The following RHOBTB3 variants were observed in gnomAD, a reference collection of about 807,000 sequenced individuals.
RHOBTB3 encodes the protein rho-related BTB domain-containing protein 3.
In RHOBTB3, 47 loss-of-function variants were observed where a neutral mutation model predicts 67.2. The observed-to-expected ratio is 0.70, with a 90% CI of 0.55 to 0.89. The LOEUF (loss-of-function observed/expected upper bound fraction) is 0.89, where lower values mean the gene tolerates loss of function less well. Ranked by LOEUF, RHOBTB3 falls within the 40% of genes least tolerant of loss-of-function variation. The pLI, the probability that RHOBTB3 is intolerant of heterozygous loss-of-function variation, is 0.00. For synonymous variants in RHOBTB3, 273 were observed against 274.2 expected (o/e 1.00, Z 0.04); for missense variants, 631 against 750.0 (o/e 0.84, Z 1.85).
At chr5:95,768,251 G>A in intron 8 of RHOBTB3, 85 bp downstream of exon 8, 1 of 1,337,464 alleles carries the variant, frequency 7.5e-7, no homozygotes, top group Non-Finnish European at 1.0e-6. Context: ...TTGAATGTTT[G>A]GTGTGAAGGA....
At chr5:95,765,810 C>T (rs1437863582) in intron 7 of RHOBTB3, among the ~76,000 whole-genome samples, 5 of 152,118 alleles carry the variant, frequency 3.3e-5, no homozygotes, top group East Asian at 1.9e-4. Context: ...TACAGGCGCC[C>T]GCCACCACAC....
chr5:95,743,270 T>A (rs1411846225), intron 3 of RHOBTB3, among the ~76,000 whole-genome samples: 42 of 152,164 alleles, frequency 2.8e-4, no homozygotes, highest in Admixed American at 2.7e-3. Context: ...TGCAGTTGAC[T>A]TTCCTTGTTG....
intron 4 of RHOBTB3, among the ~76,000 whole-genome samples, chr5:95,751,982 T>A (rs1428468458): frequency 6.6e-6 from 1 of 152,268 alleles, no homozygotes; most frequent in Non-Finnish European, 1.5e-5. Flanking sequence ...TTGTGAATAG[T>A]GCATGTTTCT....
intron 1 of RHOBTB3, among the ~76,000 whole-genome samples, chr5:95,720,038 G>C (rs1754821589): frequency 1.3e-5 from 2 of 152,154 alleles, no homozygotes; most frequent in Admixed American, 1.3e-4. Flanking sequence ...CCTATTATAA[G>C]TTTCTACCCC....
chr5:95,729,745 A>G (rs1297635833), upstream of RHOBTB3, among the ~76,000 whole-genome samples: 1 of 152,208 alleles, frequency 6.6e-6, no homozygotes, highest in East Asian at 1.9e-4. Context: ...ACTACTTTAG[A>G]TACTTCATAT....
chr5:95,760,253 AG>A (rs1187788440), intron 6 of RHOBTB3, among the ~76,000 whole-genome samples: 1 of 152,220 alleles, frequency 6.6e-6, no homozygotes, highest in Admixed American at 6.5e-5. Context: ...CTAAGGAACG[AG>A]GAGTAATGTG....
At position 95,735,308 on chromosome 5, in the gene RHOBTB3, A is replaced by C. The variant is rs1261983418; in HGVS notation, c.229-1581A>C. Among the ~76,000 whole-genome samples the C allele has an allele frequency of 6.3e-4, 94 of 148,822 alleles. 2 individuals carry two copies. Among genetic ancestry groups the C allele is most frequent in the Non-Finnish European group, 1.5e-4 (10 of 67,518 alleles). ...TTACCTCCCTTCAAAAATACTGTACACATCCCAGTTTTGATAGGGTATTCA... is the reference window on the plus strand; with the variant it reads ...TTACCTCCCTTCAAAAATACTGTACCCATCCCAGTTTTGATAGGGTATTCA... On this transcript the variant is annotated intron_variant, in intron 2 of 11. Coordinates refer to ENST00000379982, the MANE Select transcript of RHOBTB3 (RefSeq NM_014899.4).
At position 95,775,800 on chromosome 5, in the gene RHOBTB3, CA is replaced by C. The variant is rs956023067; in HGVS notation, c.1283-4442del. 1.0e-3 allele frequency among the ~76,000 whole-genome samples: 149 copies of C among 145,964 alleles called. 3 individuals are homozygous for C. Among genetic ancestry groups the C allele is most frequent in the Middle Eastern group, 7.0e-3 (2 of 284 alleles). ...GTAATTTAAATGTTTTACACCAAAC[CA>C]AAAAAAAAATTGGGAAGGAAAATAT... On this transcript the variant is annotated intron_variant, in intron 8 of 11. Coordinates refer to ENST00000379982, the MANE Select transcript of RHOBTB3 (RefSeq NM_014899.4).
upstream of RHOBTB3, chr5:95,731,333 G>C (rs1755235698): frequency 9.1e-7 from 1 of 1,097,088 alleles, no homozygotes; most frequent in Non-Finnish European, 1.1e-6. Context: ...CAGCGGCAGC[G>C]GCAGCAGGAG....
intron 3 of RHOBTB3, among the ~76,000 whole-genome samples, chr5:95,745,038 A>C (rs1394285936): frequency 6.6e-6 from 1 of 151,250 alleles, no homozygotes; most frequent in Non-Finnish European, 1.5e-5. Context: ...ATGCCACTGC[A>C]CTCCAGCCTG....
At chr5:95,785,204 T>C (rs1181752874) in intron 10 of RHOBTB3, among the ~76,000 whole-genome samples, 3 of 152,236 alleles carry the variant, frequency 2.0e-5, no homozygotes, top group Non-Finnish European at 4.4e-5. Context: ...ATCTAGGTCT[T>C]CTCCTACTAT....
intron 8 of RHOBTB3, among the ~76,000 whole-genome samples, chr5:95,777,216 G>C (rs1745913762): frequency 6.6e-6 from 1 of 152,160 alleles, no homozygotes; most frequent in Non-Finnish European, 1.5e-5. Context: ...TACTTAGCTA[G>C]TACATATTTT....
At chr5:95,747,722 A>G (rs989516385) in intron 3 of RHOBTB3, among the ~76,000 whole-genome samples, 1 of 152,188 alleles carries the variant, frequency 6.6e-6, no homozygotes, top group Non-Finnish European at 1.5e-5. Context: ...CTTAAAGAAA[A>G]AGATAAAGAA....
Position 95,755,406 on chromosome 5 carries a change from T to A in RHOBTB3, c.693T>A (p.Pro231=), listed in dbSNP as rs1368240786. 2 of 1,512,672 alleles carry A rather than the reference T, an allele frequency of 1.3e-6. No homozygotes were observed. The allele number at this position is 1,512,672 out of a possible 1,614,324, so 93.7% of individuals were successfully genotyped here. A position where few individuals can be genotyped will look rare whatever the true frequency, so the allele number is the denominator to read the frequency against. Residue 231 remains proline, a synonymous_variant, in exon 6 of 12, where the codon CCT becomes CCA. Coordinates refer to ENST00000379982, the MANE Select transcript of RHOBTB3 (RefSeq NM_014899.4). ...PPQLEQPEKM[P]VLKAEASHYN... is the part of the protein sequence containing the mutation. ...TCTTTTTCAAAACAGAAAAAATGCCTGTCTTAAAGGCTGAAGCGTCACATT... is the reference window on the plus strand; with the variant it reads ...TCTTTTTCAAAACAGAAAAAATGCCAGTCTTAAAGGCTGAAGCGTCACATT...
At chr5:95,737,464 A>C (rs1755481079) in intron 3 of RHOBTB3, among the ~76,000 whole-genome samples, 2 of 152,210 alleles carry the variant, frequency 1.3e-5, no homozygotes, top group African/African-American at 2.4e-5. Context: ...TGGGAGCAGG[A>C]TTTTTAGGTA....
intron 2 of RHOBTB3, among the ~76,000 whole-genome samples, chr5:95,733,604 A>G (rs775712075): frequency 2.6e-5 from 4 of 152,178 alleles, no homozygotes; most frequent in Non-Finnish European, 5.9e-5. Flanking sequence ...GATTTTTGCC[A>G]TATGCTGGTT....
intron 1 of RHOBTB3, among the ~76,000 whole-genome samples, chr5:95,720,826 C>T (rs893540248): frequency 6.6e-5 from 10 of 152,094 alleles, no homozygotes; most frequent in South Asian, 2.1e-4. Flanking sequence ...ATTCTAGTAA[C>T]GACTGATTAT....
intron 1 of RHOBTB3, among the ~76,000 whole-genome samples, chr5:95,723,925 A>G (rs1439797137): frequency 1.3e-5 from 2 of 152,218 alleles, no homozygotes; most frequent in African/African-American, 4.8e-5. Flanking sequence ...GCTATAAATT[A>G]CATGCATATG....
At chr5:95,773,112 C>T (rs1047689136) in intron 8 of RHOBTB3, among the ~76,000 whole-genome samples, 31 of 152,272 alleles carry the variant, frequency 2.0e-4, no homozygotes, top group African/African-American at 7.0e-4. Flanking sequence ...GAATATGTAG[C>T]ACATGAAAAT....
Sources: gnomAD v4.1 joint callset for allele counts (sites outside exome capture counted in the v4.1 genomes callset) on GRCh38, gnomAD v4.1.1 for gene constraint, MANE v1.5 for transcripts, NCBI Gene and HGNC (gene_info 2026-07-23, HGNC 2026-07-21) for gene names.